CIRSR: variants seen among roughly 807,000 people sequenced by gnomAD.
CIRSR encodes the protein corepressor of RBPJ and splicing regulator.
At chr2:174,391,590 A>G in the CIRSR span, among the ~76,000 whole-genome samples, 1 of 152,192 alleles carries the variant, frequency 6.6e-6, no homozygotes, top group Non-Finnish European at 1.5e-5. Flanking sequence ...CCTCCATCTC[A>G]AAAAATAAAT....
At chr2:174,388,591 T>C in the CIRSR span, among the ~76,000 whole-genome samples, 20 of 152,232 alleles carry the variant, frequency 1.3e-4, no homozygotes, top group Admixed American at 1.3e-3. Context: ...GTCAATGTTA[T>C]ACATTTCTTA....
chr2:174,348,455 C>T, the CIRSR span: 1 of 1,538,192 alleles, frequency 6.5e-7, no homozygotes, highest in South Asian at 1.3e-5. Context: ...ATTTTTATTC[C>T]CAGGTAATTG....
the CIRSR span, among the ~76,000 whole-genome samples, chr2:174,390,581 G>A: frequency 6.6e-6 from 1 of 152,202 alleles, no homozygotes; most frequent in Admixed American, 6.5e-5. Context: ...GCAGGATTGT[G>A]TTTTGAAATG....
chr2:174,373,703 G>T, the CIRSR span, among the ~76,000 whole-genome samples: 1 of 151,010 alleles, frequency 6.6e-6, no homozygotes, highest in Admixed American at 6.6e-5. Flanking sequence ...CCTAGGGCTG[G>T]ATATTTAGAC....
the CIRSR span, among the ~76,000 whole-genome samples, chr2:174,354,676 A>T: frequency 1.1e-5 from 1 of 92,188 alleles, no homozygotes; most frequent in Non-Finnish European, 1.9e-5. Context: ...TATATTATAT[A>T]TTTTATATAT....
At chr2:174,393,194 G>A in the CIRSR span, among the ~76,000 whole-genome samples, 2 of 152,124 alleles carry the variant, frequency 1.3e-5, no homozygotes, top group Non-Finnish European at 2.9e-5. Context: ...TGAACTGTTT[G>A]CCAGTCCACA....
the CIRSR span, chr2:174,380,339 C>A: frequency 2.2e-6 from 2 of 908,926 alleles, no homozygotes; most frequent in Non-Finnish European, 3.3e-6. Flanking sequence ...TTTTACAGTT[C>A]TAAGAACATT....
At chr2:174,383,566 A>G in the CIRSR span, among the ~76,000 whole-genome samples, 58 of 151,666 alleles carry the variant, frequency 3.8e-4, no homozygotes, top group Admixed American at 1.4e-3. Context: ...CTAAAAATAC[A>G]AAAATTAGCC....
the CIRSR span, among the ~76,000 whole-genome samples, chr2:174,358,843 G>C: frequency 6.6e-6 from 1 of 152,170 alleles, no homozygotes. Context: ...CTCTCAAGGA[G>C]CTGGGATTAC....
At chr2:174,381,615 C>A in the CIRSR span, 208 of 904,514 alleles carry the variant, frequency 2.3e-4, no homozygotes, top group Non-Finnish European at 3.0e-4. Context: ...TGAGATGGCA[C>A]CACTGCACTC....
At chr2:174,350,647 A>G in the CIRSR span, 6 of 1,523,136 alleles carry the variant, frequency 3.9e-6, no homozygotes, top group Non-Finnish European at 5.4e-6. Context: ...TTAAATATAT[A>G]CTTCTAAATT....
chr2:174,393,314 G>T, the CIRSR span, among the ~76,000 whole-genome samples: 4 of 152,110 alleles, frequency 2.6e-5, no homozygotes, highest in Non-Finnish European at 4.4e-5. Flanking sequence ...TGACATAAAT[G>T]ATTGAGGCAG....
chr2:174,380,727 C>G, the CIRSR span: 4 of 1,611,004 alleles, frequency 2.5e-6, no homozygotes, highest in Non-Finnish European at 3.4e-6. Flanking sequence ...TAAAAACATT[C>G]ATTGAAAATT....
At chr2:174,381,464 C>T in the CIRSR span, among the ~76,000 whole-genome samples, 1 of 151,906 alleles carries the variant, frequency 6.6e-6, no homozygotes, top group East Asian at 1.9e-4. Flanking sequence ...ACCAGCCTGG[C>T]CAACATGGTG....
chr2:174,356,620 A>AGAAGGG, the CIRSR span, among the ~76,000 whole-genome samples: 1 of 150,066 alleles, frequency 6.7e-6, no homozygotes, highest in African/African-American at 2.4e-5. Flanking sequence ...GAAGGAAGGA[A>AGAAGGG]GAAGGGGAAG....
the CIRSR span, among the ~76,000 whole-genome samples, chr2:174,349,661 C>T: frequency 1.3e-5 from 2 of 150,650 alleles, no homozygotes; most frequent in East Asian, 1.9e-4. Context: ...TTATTCAAAG[C>T]GTGAATACAT....
chr2:174,387,605 G>T, the CIRSR span: 1 of 1,434,908 alleles, frequency 7.0e-7, no homozygotes. Flanking sequence ...CCAAAAAACT[G>T]ACTTAATATA....
the CIRSR span, among the ~76,000 whole-genome samples, chr2:174,383,849 C>CAAAAAAAA: frequency 3.2e-4 from 39 of 121,456 alleles, no homozygotes; most frequent in African/African-American, 5.8e-4. Flanking sequence ...AGCTATCTTC[C>CAAAAAAAA]AAAAAAAAAA....
At chr2:174,382,660 G>C in the CIRSR span, among the ~76,000 whole-genome samples, 19 of 151,812 alleles carry the variant, frequency 1.3e-4, no homozygotes, top group East Asian at 3.7e-3. Context: ...TAGCAAAAAA[G>C]TCTACACATG....
Sources: allele counts gnomAD v4.1 joint callset (sites outside exome capture counted in the v4.1 genomes callset), GRCh38; gene constraint gnomAD v4.1.1; transcripts MANE v1.5; gene names NCBI Gene and HGNC (gene_info 2026-07-23, HGNC 2026-07-21).